The following TNS1 variants were observed in gnomAD, a reference collection of about 807,000 sequenced individuals.
The protein encoded by TNS1 is tensin 1, also known as tensin-1.
Under a neutral mutation model 168.6 loss-of-function variants are expected in TNS1, and 62 were observed. That is an observed-to-expected ratio of 0.37 (90% CI 0.30 to 0.45). The LOEUF (loss-of-function observed/expected upper bound fraction) is 0.45, where lower values mean the gene tolerates loss of function less well. Ranked by LOEUF, TNS1 falls within the 20% of genes least tolerant of loss-of-function variation. The pLI is 1.00. For synonymous variants in TNS1, 934 were observed against 933.2 expected, an observed-to-expected ratio of 1.00 and a Z score of -0.02; for missense variants, 2,240 against 2,339.4, an observed-to-expected ratio of 0.96 and a Z score of 0.88.
At chr2:217,957,144 C>A (rs1957384999) in intron 3 of TNS1, among the ~76,000 whole-genome samples, 1 of 152,218 alleles carries the variant, frequency 6.6e-6, no homozygotes, top group South Asian at 2.1e-4. Context: ...GCGGCCCGCC[C>A]CCACCCCGGT....
At chr2:217,850,470 C>T (rs991488926) in intron 18 of TNS1, 95 of 985,134 alleles carry the variant, frequency 9.6e-5, no homozygotes, top group Non-Finnish European at 1.1e-4. Flanking sequence ...AAAGTGAGCG[C>T]TGGGTGGCTC....
At chr2:217,937,004 T>C (rs1373639429) in intron 3 of TNS1, 1 of 456,926 alleles carries the variant, frequency 2.2e-6, no homozygotes, top group Admixed American at 2.3e-5. Context: ...TGCACATGCC[T>C]TCCCCTGTGC....
intron 22 of TNS1, among the ~76,000 whole-genome samples, chr2:217,825,207 T>A (rs750800158): frequency 6.6e-6 from 1 of 152,194 alleles, no homozygotes; most frequent in Non-Finnish European, 1.5e-5. Context: ...CAGACCCCCT[T>A]AGTCTCTGGC....
intron 2 of TNS1, among the ~76,000 whole-genome samples, chr2:217,981,346 A>G (rs1958043427): frequency 1.3e-5 from 2 of 152,228 alleles, no homozygotes; most frequent in African/African-American, 4.8e-5. Flanking sequence ...TCTCTCGGGT[A>G]GGCACCCTTG....
chr2:217,924,707 T>G (rs10191332), intron 3 of TNS1, among the ~76,000 whole-genome samples: 1 of 152,078 alleles, frequency 6.6e-6, no homozygotes, highest in South Asian at 2.1e-4. Flanking sequence ...TCAGCAATAT[T>G]GCTCCCATTT....
chr2:217,816,628 C>T (rs1045546530), intron 24 of TNS1, among the ~76,000 whole-genome samples: 2 of 152,124 alleles, frequency 1.3e-5, no homozygotes, highest in Non-Finnish European at 2.9e-5. Flanking sequence ...GGCTGCAGTC[C>T]CACGTGCCTT....
chr2:217,870,486 A>G (rs1949678607), intron 18 of TNS1, among the ~76,000 whole-genome samples: 1 of 152,242 alleles, frequency 6.6e-6, no homozygotes, highest in Non-Finnish European at 1.5e-5. Flanking sequence ...ATATAATTAG[A>G]GTCGGTATCT....
chr2:217,893,578 G>T lies in TNS1; in HGVS notation c.595-17C>A. On this transcript the variant is annotated splice_polypyrimidine_tract_variant and intron_variant, in intron 9 of 32. Transcript: ENST00000682258. ...TTCCAGTACCTGTGGCCCAAGCCAT[G>T]AGTGAGAAGAGGGCAGAAGCCCTGC... 1.9e-6 allele frequency: 3 copies of T among 1,599,352 alleles called. No individual in the cohort carries two copies. Among genetic ancestry groups the T allele is most frequent in the Non-Finnish European group, 2.6e-6 (3 of 1,172,736 alleles).
At chr2:218,021,968 G>A (rs985439746) in intron 1 of TNS1, among the ~76,000 whole-genome samples, 1 of 152,202 alleles carries the variant, frequency 6.6e-6, no homozygotes, top group African/African-American at 2.4e-5. Flanking sequence ...AGCGGGGGAA[G>A]GGCAGAGGGG....
chr2:218,002,816 C>T lies in TNS1; in HGVS notation c.33+24G>A, dbSNP rs746312111. On this transcript the variant is annotated intron_variant, in intron 1 of 32. Coordinates refer to ENST00000682258, the MANE Select transcript of TNS1 (RefSeq NM_001387777.1). ...CGGGGGGTTTGAGGAAGAGTAACGT[C>T]GCAGCTAAAGCAGCCAGACCTACCC... is the stretch of plus-strand genomic sequence containing the variant. 3.9e-5 allele frequency: 18 copies of T among 456,666 alleles called. 1 individual carries two copies. The highest frequency in any genetic ancestry group is 1.7e-4 in the South Asian group (11 of 64,564). 28.3% of individuals were successfully genotyped at this position (456,666 alleles called of 1,614,324 possible). A position where few individuals can be genotyped will look rare whatever the true frequency, so the allele number is the denominator to read the frequency against.
intron 19 of TNS1, among the ~76,000 whole-genome samples, chr2:217,840,498 A>G (rs974043817): frequency 6.6e-6 from 1 of 152,260 alleles, no homozygotes; most frequent in Non-Finnish European, 1.5e-5. Context: ...TAAACAGTTA[A>G]GAAACTTGCC....
intron 6 of TNS1, among the ~76,000 whole-genome samples, chr2:217,902,708 G>T (rs1053565980): frequency 6.6e-6 from 1 of 152,192 alleles, no homozygotes; most frequent in Admixed American, 6.5e-5. Flanking sequence ...GTCCAAGCCC[G>T]CTCTGCTCCA....
In TNS1 at chr2:217,803,325, A is replaced by C. The variant is rs1220400718; in HGVS notation, c.*1134T>G. On this transcript the variant is annotated 3_prime_UTR_variant, in exon 33 of 33. Transcript: ENST00000682258. ...CAGCAAGACTCAATCCCCAGCCCCC[A>C]AAAAGGCATCATGCAGGTAAGCAGG... 1 of 152,424 alleles carries C rather than the reference A, an allele frequency of 6.6e-6. No homozygotes were observed. The highest frequency in any genetic ancestry group is 1.5e-5 in the Non-Finnish European group (1 of 68,100). 9.4% of individuals were successfully genotyped at this position (152,424 alleles called of 1,614,324 possible). A position where few individuals can be genotyped will look rare whatever the true frequency, so the allele number is the denominator to read the frequency against.
At chr2:217,991,183 G>A (rs1486312975) in intron 1 of TNS1, 127 bp from the exon 2 acceptor site, 2 of 451,896 alleles carry the variant, frequency 4.4e-6, no homozygotes, top group African/African-American at 3.9e-5. Flanking sequence ...TCAGGGTCCA[G>A]AGGAGGGAGG....
chr2:217,941,308 T>C (rs1186912743), intron 3 of TNS1, among the ~76,000 whole-genome samples: 1 of 152,026 alleles, frequency 6.6e-6, no homozygotes, highest in Admixed American at 6.5e-5. Flanking sequence ...ACTGCAGGGA[T>C]TGGGGGTGAA....
chr2:217,943,593 G>A (rs2125949523), intron 3 of TNS1, among the ~76,000 whole-genome samples: 1 of 152,300 alleles, frequency 6.6e-6, no homozygotes. Flanking sequence ...TCTCAGAGCA[G>A]GGACAAGCCG....
At chr2:217,977,338 G>C (rs1318964046) in intron 3 of TNS1, among the ~76,000 whole-genome samples, 1 of 152,200 alleles carries the variant, frequency 6.6e-6, no homozygotes, top group Non-Finnish European at 1.5e-5. Flanking sequence ...GGAAGGGGCA[G>C]AAAACCCACT....
intron 2 of TNS1, among the ~76,000 whole-genome samples, chr2:217,983,499 T>C (rs552207174): frequency 6.6e-6 from 1 of 152,084 alleles, no homozygotes; most frequent in African/African-American, 2.4e-5. Context: ...CTTAGATTAC[T>C]CTGCTGGGGT....
Position 217,817,986 on chromosome 2 carries a change from T to C in TNS1, c.4346A>G (p.Tyr1449Cys), listed in dbSNP as rs1248925317. The part of the protein sequence containing the change: ...TLSRQSSASG[Y>C]QAPSTPSFPV... ...GAAGGAGGGCGTGGAAGGAGCCTGG[T>C]AGCCAGAGGCACTGCTCTGCCGGGA... The change falls in exon 24 of 33, where the codon TAC becomes TGC. Residue 1449 changes from tyrosine to cysteine, a missense_variant. This residue lies in a region of TNS1 where 2,131 missense variants were observed against 2,171.2 expected (regional missense o/e 0.98). Transcript: ENST00000682258. 1 of 1,599,700 alleles carries C rather than the reference T, an allele frequency of 6.3e-7. No homozygotes were observed. The highest frequency in any genetic ancestry group is 8.5e-7 in the Non-Finnish European group (1 of 1,172,980).
Sources: gnomAD v4.1 joint callset for allele counts (sites outside exome capture counted in the v4.1 genomes callset) on GRCh38, gnomAD v4.1.1 for gene constraint, gnomAD v4.1.1 regional missense constraint, MANE v1.5 for transcripts, NCBI Gene and HGNC (gene_info 2026-07-23, HGNC 2026-07-21) for gene names.